PCDHAC1: variants seen among roughly 807,000 people sequenced by gnomAD.
The protein encoded by PCDHAC1 is protocadherin alpha-C1.
In PCDHAC1, 42 loss-of-function variants were observed where a neutral mutation model predicts 60.0. The ratio of observed to expected loss-of-function variants is 0.70; its 90% CI spans 0.55 to 0.90. The LOEUF is 0.90. Ranked by LOEUF, PCDHAC1 falls within the 40% of genes least tolerant of loss-of-function variation. The probability of loss-of-function intolerance (pLI) is 0.00; values close to 1 mark genes in which losing one functional copy is unlikely to be tolerated. For synonymous variants in PCDHAC1, 468 were observed against 499.3 expected (o/e 0.94, Z 0.84); for missense variants, 1,160 against 1,222.3 (o/e 0.95, Z 0.76).
intron 1 of PCDHAC1, 73 bp downstream of exon 1, chr5:140,929,398 A>G: frequency 6.6e-7 from 1 of 1,510,096 alleles, no homozygotes; most frequent in Non-Finnish European, 8.9e-7. Flanking sequence ...AATATTTCTT[A>G]GACAAGCCTT....
chr5:140,995,379 G>T (rs1300023701), intron 3 of PCDHAC1, among the ~76,000 whole-genome samples: 2 of 152,172 alleles, frequency 1.3e-5, no homozygotes, highest in East Asian at 1.9e-4. Context: ...CACGTACTGG[G>T]CAGGATAAAG....
At chr5:140,989,601 A>C (rs553140269) in intron 3 of PCDHAC1, among the ~76,000 whole-genome samples, 14 of 152,318 alleles carry the variant, frequency 9.2e-5, no homozygotes, top group African/African-American at 3.4e-4. Flanking sequence ...ACACAAGTAA[A>C]CTAAAAATGA....
At chr5:140,945,838 G>A (rs1415502139) in intron 1 of PCDHAC1, among the ~76,000 whole-genome samples, 2 of 151,896 alleles carry the variant, frequency 1.3e-5, no homozygotes, top group African/African-American at 4.8e-5. Context: ...AACTCAAAAT[G>A]GATTAAAGAC....
chr5:140,977,345 T>C lies in PCDHAC1; in HGVS notation c.2434-1604T>C, dbSNP rs139865600. Among the ~76,000 whole-genome samples, 25 of 152,342 alleles carry C rather than the reference T, an allele frequency of 1.6e-4. No homozygotes were observed. In the East Asian group the frequency reaches 4.8e-3, roughly 29 times the overall value. ...ATGGCGAGGGGAGAGACGGTGATGATGACTGATTGATAAAAAGTATTTTAG... is the reference window on the plus strand; with the variant it reads ...ATGGCGAGGGGAGAGACGGTGATGACGACTGATTGATAAAAAGTATTTTAG... On this transcript the variant is annotated intron_variant, in intron 1 of 3. Transcript: ENST00000253807.
chr5:140,964,968 G>A lies in PCDHAC1; in HGVS notation c.2434-13981G>A, dbSNP rs566051914. On this transcript the variant is annotated intron_variant, in intron 1 of 3. Coordinates refer to ENST00000253807, the MANE Select transcript of PCDHAC1 (RefSeq NM_018898.5). ...GAGTGTGCTTGGTTGGTGGAACGAA[G>A]GGATGTGCTAGTTCAGGCCTTTGAA... 3.9e-5 allele frequency among the ~76,000 whole-genome samples: 6 copies of A among 152,326 alleles called. No individual in the cohort carries two copies. In the South Asian group the frequency reaches 1.0e-3, roughly 26 times the overall value.
At chr5:140,944,792 G>C (rs1411963111) in intron 1 of PCDHAC1, among the ~76,000 whole-genome samples, 3 of 152,138 alleles carry the variant, frequency 2.0e-5, no homozygotes, top group African/African-American at 7.2e-5. Context: ...TATTTTACAA[G>C]TCTGTCGAGG....
intron 3 of PCDHAC1, among the ~76,000 whole-genome samples, chr5:140,997,458 G>A (rs1167865060): frequency 5.3e-5 from 8 of 152,070 alleles, no homozygotes; most frequent in African/African-American, 1.7e-4. Flanking sequence ...ACTGAATACT[G>A]TAGGCAATTT....
chr5:140,937,606 TACTC>T (rs1186588675), intron 1 of PCDHAC1, among the ~76,000 whole-genome samples: 2 of 123,664 alleles, frequency 1.6e-5, no homozygotes, highest in Non-Finnish European at 3.5e-5. Context: ...AACAGAGTGA[TACTC>T]CATCTAAAAA....
chr5:140,968,500 C>T, intron 1 of PCDHAC1: 2 of 1,614,222 alleles, frequency 1.2e-6, no homozygotes, highest in Middle Eastern at 1.6e-4. Context: ...ATGCCCCTCA[C>T]ATTCTGTACC....
chr5:140,928,749 T>A lies in PCDHAC1; in HGVS notation c.1857T>A (p.Arg619=). 2 of 1,614,194 alleles carry A rather than the reference T, an allele frequency of 1.2e-6. No homozygotes were observed. The highest frequency in any genetic ancestry group is 1.7e-6 in the Non-Finnish European group (2 of 1,180,036). ...TTTCAGCCAATATAGGTGAGCTCCG[T>A]ACTGCTCGCTTAGTTCTTCCCACTG... The part of the protein sequence containing the change: ...FRISANIGEL[R]TARLVLPTDA... The change falls in exon 1 of 4, where the codon CGT becomes CGA. Residue 619 remains arginine, a synonymous_variant. Transcript: ENST00000253807.
intron 3 of PCDHAC1, among the ~76,000 whole-genome samples, chr5:140,991,572 G>A (rs782016422): frequency 1.3e-4 from 20 of 152,144 alleles, no homozygotes; most frequent in Non-Finnish European, 2.9e-4. Flanking sequence ...TCCAATAACA[G>A]GCTCCTTATT....
Position 141,009,778 on chromosome 5 carries a change from C to T in PCDHAC1, c.2733C>T (p.Ser911=). Residue 911 remains serine, a synonymous_variant, in exon 4 of 4, where the codon TCC becomes TCT. Transcript: ENST00000253807. ...FIIPGSPAII[S]IRQEPTNSQI... ...TCCCAGGATCTCCTGCAATCATCTCCATCCGGCAGGAGCCTACTAACAGCC... is the reference window on the plus strand; with the variant it reads ...TCCCAGGATCTCCTGCAATCATCTCTATCCGGCAGGAGCCTACTAACAGCC... 1.2e-6 allele frequency: 2 copies of T among 1,614,122 alleles called. No homozygotes were observed.
intron 1 of PCDHAC1, among the ~76,000 whole-genome samples, chr5:140,943,172 C>T (rs1370908273): frequency 2.7e-5 from 4 of 148,068 alleles, no homozygotes; most frequent in African/African-American, 1.0e-4. Context: ...GCAGGAAAAT[C>T]GCTTGAACCC....
At chr5:140,967,321 C>T (rs985147302) in intron 1 of PCDHAC1, 12 of 1,609,430 alleles carry the variant, frequency 7.5e-6, no homozygotes, top group Non-Finnish European at 1.0e-5. Context: ...TACAGACCTA[C>T]GAGCTCAGCC....
At chr5:140,935,592 T>C (rs1554210581) in intron 1 of PCDHAC1, among the ~76,000 whole-genome samples, 1 of 152,252 alleles carries the variant, frequency 6.6e-6, no homozygotes, top group East Asian at 1.9e-4. Context: ...ACCAGCTAGA[T>C]ACAGAGCTAG....
At chr5:140,953,996 T>C (rs989520486) in intron 1 of PCDHAC1, among the ~76,000 whole-genome samples, 1 of 152,158 alleles carries the variant, frequency 6.6e-6, no homozygotes, top group African/African-American at 2.4e-5. Context: ...TCATGTGTAC[T>C]CATCATTCAG....
chr5:140,993,523 CAG>C (rs111789518), intron 3 of PCDHAC1, among the ~76,000 whole-genome samples: 1,510 of 145,458 alleles, frequency 0.01, 24 homozygotes, highest in African/African-American at 0.035. Flanking sequence ...GAGAGAGAGA[CAG>C]AGAGAGAGAG....
rs201131092 is a variant in PCDHAC1 at position 141,009,948 on chromosome 5, T to A, written c.*11T>A. ...AACAGTGACCAGTGAGGTCCTCAAATGGAAACAAGCCACTTAGCCAGTTTT... is the reference window on the plus strand; with the variant it reads ...AACAGTGACCAGTGAGGTCCTCAAAAGGAAACAAGCCACTTAGCCAGTTTT... On this transcript the variant is annotated 3_prime_UTR_variant, in exon 4 of 4. Coordinates refer to ENST00000253807, the MANE Select transcript of PCDHAC1 (RefSeq NM_018898.5). The A allele has an allele frequency of 9.4e-6, 15 of 1,595,948 alleles. No homozygotes were observed. In the East Asian group the frequency reaches 3.4e-4, roughly 36 times the overall value.
chr5:140,953,050 A>C (rs1169479924), intron 1 of PCDHAC1, among the ~76,000 whole-genome samples: 1 of 152,122 alleles, frequency 6.6e-6, no homozygotes, highest in African/African-American at 2.4e-5. Flanking sequence ...TGATCCAATC[A>C]CCTCTCACAG....
Sources: allele counts gnomAD v4.1 joint callset (sites outside exome capture counted in the v4.1 genomes callset), GRCh38; gene constraint gnomAD v4.1.1; transcripts MANE v1.5; gene names NCBI Gene and HGNC (gene_info 2026-07-23, HGNC 2026-07-21).